Variants in STXBP5 observed in about 807,000 individuals in gnomAD.
STXBP5 encodes syntaxin-binding protein 5.
In STXBP5, 50 loss-of-function variants were observed where a neutral mutation model predicts 152.4. The ratio of observed to expected loss-of-function variants is 0.33; its 90% CI spans 0.26 to 0.42. The LOEUF (loss-of-function observed/expected upper bound fraction) is 0.42. STXBP5 is among the 10% of genes least tolerant of loss of function. The pLI, the probability that STXBP5 is intolerant of heterozygous loss-of-function variation, is 1.00. For synonymous variants in STXBP5, 492 were observed against 494.7 expected (o/e 0.99, Z 0.07); for missense variants, 1,167 against 1,388.6 (o/e 0.84, Z 2.54).
At chr6:147,369,924 A>AT (rs1178732248) in intron 25 of STXBP5, among the ~76,000 whole-genome samples, 15 of 151,790 alleles carry the variant, frequency 9.9e-5, no homozygotes, top group South Asian at 4.2e-4. Context: ...CACTTTACTC[A>AT]TTTTTTTTAA....
intron 14 of STXBP5, among the ~76,000 whole-genome samples, chr6:147,314,869 C>G (rs1211553603): frequency 2.0e-5 from 3 of 151,978 alleles, no homozygotes; most frequent in African/African-American, 7.2e-5. Flanking sequence ...TTCAAAATTT[C>G]TTCAAACCTT....
chr6:147,221,541 G>GTT (rs570695545), intron 2 of STXBP5, among the ~76,000 whole-genome samples: 1 of 143,304 alleles, frequency 7.0e-6, no homozygotes, highest in Non-Finnish European at 1.5e-5. Flanking sequence ...CAGAATTCCA[G>GTT]TTTTTTTTTT....
At chr6:147,373,389 CTTCT>C (rs1785657732) in intron 25 of STXBP5, among the ~76,000 whole-genome samples, 1 of 122,306 alleles carries the variant, frequency 8.2e-6, no homozygotes, top group African/African-American at 3.0e-5. Flanking sequence ...AAAAAAAAAA[CTTCT>C]TTCTAATGTA....
chr6:147,229,363 T>G (rs1777883230), intron 2 of STXBP5, among the ~76,000 whole-genome samples: 2 of 151,932 alleles, frequency 1.3e-5, no homozygotes, highest in South Asian at 4.1e-4. Context: ...TTTAACAGCT[T>G]TAGTGAGATA....
chr6:147,270,946 G>A (rs1259312073), intron 7 of STXBP5, among the ~76,000 whole-genome samples: 2 of 151,962 alleles, frequency 1.3e-5, no homozygotes, highest in Non-Finnish European at 2.9e-5. Context: ...GATATGTATT[G>A]TAAATCCTAA....
intron 2 of STXBP5, among the ~76,000 whole-genome samples, chr6:147,221,066 T>A (rs910347541): frequency 6.6e-6 from 1 of 152,142 alleles, no homozygotes; most frequent in Non-Finnish European, 1.5e-5. Flanking sequence ...TCTTTTATTT[T>A]TTTAAATAGT....
intron 21 of STXBP5, among the ~76,000 whole-genome samples, chr6:147,350,794 A>G (rs892472627): frequency 5.9e-5 from 9 of 152,158 alleles, no homozygotes; most frequent in African/African-American, 2.2e-4. Context: ...CATTTATTAA[A>G]TCATACTATG....
intron 25 of STXBP5, among the ~76,000 whole-genome samples, chr6:147,372,671 G>C (rs1785618841): frequency 6.6e-6 from 1 of 151,764 alleles, no homozygotes; most frequent in Admixed American, 6.6e-5. Flanking sequence ...CTGACCTCAT[G>C]ATCCTCCCAC....
chr6:147,225,633 ATG>A (rs1397116053), intron 2 of STXBP5, among the ~76,000 whole-genome samples: 1 of 152,212 alleles, frequency 6.6e-6, no homozygotes, highest in East Asian at 1.9e-4. Flanking sequence ...TTGTCAGAAT[ATG>A]TGTGTCAGAC....
At position 147,372,406 on chromosome 6, in the gene STXBP5, C is replaced by CTTTTTTTTTTTTTTTTTTT. The variant is rs1583009383; in HGVS notation, c.3082-1325_3082-1324insTTTTTTTTTTTTTTTTTTT. ...ATATAAATGTTACTACCGTCCTTTTCCTTTTTTTTTTTTTTTTTTTTTTTT... is the reference window on the plus strand; with the variant it reads ...ATATAAATGTTACTACCGTCCTTTTCTTTTTTTTTTTTTTTTTTTCTTTTTTTTTTTTTTTTTTTTTTTT... On this transcript the variant is annotated intron_variant, in intron 25 of 27. Transcript: ENST00000321680. Among the ~76,000 whole-genome samples the CTTTTTTTTTTTTTTTTTTT allele has an allele frequency of 6.5e-3, 256 of 39,106 alleles. 125 individuals carry two copies. Among genetic ancestry groups the CTTTTTTTTTTTTTTTTTTT allele is most frequent in the Admixed American group, 0.011 (30 of 2,800 alleles). The allele number at this position is 39,106 out of a possible 152,430, so 25.7% of individuals were successfully genotyped here.
intron 2 of STXBP5, among the ~76,000 whole-genome samples, chr6:147,226,017 A>G (rs1214789941): frequency 6.6e-6 from 1 of 152,170 alleles, no homozygotes; most frequent in African/African-American, 2.4e-5. Flanking sequence ...ATCTTACCTA[A>G]GAAGATATGA....
intron 21 of STXBP5, among the ~76,000 whole-genome samples, chr6:147,347,675 T>G (rs1042850547): frequency 6.6e-6 from 1 of 152,210 alleles, no homozygotes; most frequent in Non-Finnish European, 1.5e-5. Context: ...TGTCTAATAG[T>G]TACAGAAATA....
At chr6:147,290,050 T>G (rs1781201590) in intron 8 of STXBP5, among the ~76,000 whole-genome samples, 2 of 151,932 alleles carry the variant, frequency 1.3e-5, no homozygotes, top group African/African-American at 4.8e-5. Context: ...CTACAAAAAT[T>G]TTTAAAAATG....
At chr6:147,364,317 T>C (rs1349813420) in intron 25 of STXBP5, 151 bp downstream of exon 25, 8 of 664,090 alleles carry the variant, frequency 1.2e-5, no homozygotes, top group African/African-American at 1.8e-5. Flanking sequence ...GAGCACATGC[T>C]TTGAGACTCC....
intron 4 of STXBP5, among the ~76,000 whole-genome samples, chr6:147,243,661 C>G (rs923406980): frequency 4.6e-5 from 7 of 152,148 alleles, no homozygotes; most frequent in African/African-American, 1.7e-4. Flanking sequence ...AACTCAAGAT[C>G]ACTACCTAGA....
At chr6:147,372,297 A>G (rs1318151315) in intron 25 of STXBP5, among the ~76,000 whole-genome samples, 7 of 151,630 alleles carry the variant, frequency 4.6e-5, no homozygotes, top group Non-Finnish European at 1.0e-4. Flanking sequence ...TTCTTAGCCC[A>G]GCCCCAAGGA....
chr6:147,219,892 C>G (rs577271978), intron 2 of STXBP5, among the ~76,000 whole-genome samples: 42 of 144,876 alleles, frequency 2.9e-4, no homozygotes, highest in African/African-American at 1.0e-3. Context: ...TGATTTCTTC[C>G]TTAACTGTTA....
At chr6:147,314,770 A>G in intron 14 of STXBP5, 134 bp downstream of exon 14, 2 of 600,130 alleles carry the variant, frequency 3.3e-6, no homozygotes, top group Non-Finnish European at 5.3e-6. Context: ...TTGATTTATT[A>G]AATACATGAG....
Position 147,235,233 on chromosome 6 carries a change from A to C in STXBP5, c.249-17A>C. On this transcript the variant is annotated splice_polypyrimidine_tract_variant and intron_variant, in intron 2 of 27. Coordinates refer to ENST00000321680, the MANE Select transcript of STXBP5 (RefSeq NM_001127715.4). ...ACCGAACAAATACCATAAACTCCTTAATGGAATTAATTACAGCTTTGGTCG... is the reference window on the plus strand; with the variant it reads ...ACCGAACAAATACCATAAACTCCTTCATGGAATTAATTACAGCTTTGGTCG... 2 of 1,610,520 alleles carry C rather than the reference A, an allele frequency of 1.2e-6. No homozygotes were observed. Among genetic ancestry groups the C allele is most frequent in the Non-Finnish European group, 1.7e-6 (2 of 1,177,062 alleles).
Sources: gnomAD v4.1 joint callset for allele counts (sites outside exome capture counted in the v4.1 genomes callset) on GRCh38, gnomAD v4.1.1 for gene constraint, MANE v1.5 for transcripts, NCBI Gene and HGNC (gene_info 2026-07-23, HGNC 2026-07-21) for gene names.